The following NFATC1 variants were observed in gnomAD, a reference collection of about 807,000 sequenced individuals.
NFATC1 encodes the protein nuclear factor of activated T cells 1.
Under a neutral mutation model 76.0 loss-of-function variants are expected in NFATC1, and 22 were observed. The ratio of observed to expected loss-of-function variants is 0.29; its 90% CI spans 0.21 to 0.41. The LOEUF is 0.41. Ranked by LOEUF, NFATC1 falls within the 10% of genes least tolerant of loss-of-function variation. NFATC1 has a pLI of 1.00. For synonymous variants in NFATC1, 704 were observed against 613.1 expected, an observed-to-expected ratio of 1.15 and a Z score of -2.19; for missense variants, 1,357 against 1,337.7, an observed-to-expected ratio of 1.01 and a Z score of -0.23.
intron 9 of NFATC1, chr18:79,496,785 T>G (rs972280898): frequency 6.6e-6 from 1 of 152,266 alleles, no homozygotes; most frequent in African/African-American, 2.4e-5. Context: ...CGTTCCATAG[T>G]GACCTTTTGT....
intron 9 of NFATC1, among the ~76,000 whole-genome samples, chr18:79,509,050 C>T (rs558073126): frequency 1.1e-4 from 16 of 152,310 alleles, no homozygotes; most frequent in African/African-American, 2.9e-4. Context: ...GTGTCCTGTA[C>T]GGAGAAAGCG....
chr18:79,419,779 G>A (rs1365561918), intron 2 of NFATC1, among the ~76,000 whole-genome samples: 1 of 152,236 alleles, frequency 6.6e-6, no homozygotes, highest in African/African-American at 2.4e-5. Context: ...CGGGATAGGT[G>A]GGCCTGGTGG....
intron 9 of NFATC1, among the ~76,000 whole-genome samples, chr18:79,507,788 G>A (rs115948538): frequency 0.011 from 1,707 of 152,372 alleles, 29 homozygotes; most frequent in African/African-American, 0.034. Context: ...GTTAGTGAGC[G>A]CATTCGCATC....
chr18:79,494,963 G>C (rs1037373814), intron 9 of NFATC1, among the ~76,000 whole-genome samples: 14 of 152,082 alleles, frequency 9.2e-5, no homozygotes, highest in African/African-American at 3.1e-4. Flanking sequence ...CCGGGGGAAG[G>C]CGAGAGCGGG....
intron 2 of NFATC1, among the ~76,000 whole-genome samples, chr18:79,415,278 T>C (rs940481709): frequency 2.6e-5 from 4 of 152,306 alleles, no homozygotes; most frequent in East Asian, 3.9e-4. Context: ...AATTTCTTTT[T>C]ATTTTATTTA....
At chr18:79,442,447 A>G (rs933775597) in intron 3 of NFATC1, among the ~76,000 whole-genome samples, 1 of 152,202 alleles carries the variant, frequency 6.6e-6, no homozygotes. Flanking sequence ...TTGCCACTCA[A>G]CATCCTTCCA....
chr18:79,452,094 G>A (rs558451559), intron 6 of NFATC1: 5 of 321,304 alleles, frequency 1.6e-5, no homozygotes, highest in African/African-American at 6.5e-5. Flanking sequence ...GGGAGCCCAC[G>A]GGCTGGGGAC....
chr18:79,507,813 G>A (rs567606223), intron 9 of NFATC1, among the ~76,000 whole-genome samples: 24 of 152,368 alleles, frequency 1.6e-4, no homozygotes, highest in African/African-American at 5.5e-4. Context: ...GTGCTTTTAC[G>A]TGAGAAGTTA....
Position 79,410,359 on chromosome 18 carries a change from A to T in NFATC1, c.128-44A>T, listed in dbSNP as rs1444383417. ...TGAGTTCATGGGTTTCTGCTTTGTG[A>T]TGCCCAGCCCCTCATGCTCCCATCT... On this transcript the variant is annotated intron_variant, in intron 1 of 9. Transcript: ENST00000427363. The surrounding 1 kb of genome is among the most constrained non-coding windows in gnomAD (Gnocchi z 6.7). The T allele has an allele frequency of 6.4e-7, 1 of 1,556,740 alleles. No individual in the cohort carries two copies.
At chr18:79,487,335 G>A (rs537351204) in intron 9 of NFATC1, among the ~76,000 whole-genome samples, 2 of 152,336 alleles carry the variant, frequency 1.3e-5, no homozygotes, top group East Asian at 1.9e-4. Flanking sequence ...CGTGGGTGCC[G>A]CCTGAGTCCC....
rs1392448700 is a variant in NFATC1, at chr18:79,410,743, G to T, written c.468G>T (p.Thr156=). Residue 156 remains threonine, a synonymous_variant, in exon 2 of 10, where the codon ACG becomes ACT. Transcript: ENST00000427363. This position sits in a 1 kb window ranked among gnomAD's most constrained non-coding sequence, Gnocchi z 6.7. ...CCAAACGGTCCCCCTCCACGGCCAC[G>T]CTGAGTCTGCCCAGCCTGGAGGCCT... The part of the protein sequence containing the change: ...PSSKRSPSTA[T]LSLPSLEAYR... The T allele has an allele frequency of 1.2e-6, 2 of 1,612,808 alleles. No homozygotes were observed. Among genetic ancestry groups the T allele is most frequent in the African/African-American group, 2.7e-5 (2 of 74,886 alleles).
At chr18:79,415,936 C>T (rs1339633821) in intron 2 of NFATC1, among the ~76,000 whole-genome samples, 2 of 152,120 alleles carry the variant, frequency 1.3e-5, no homozygotes, top group African/African-American at 4.8e-5. Flanking sequence ...GTGGCGGGCG[C>T]CTGTAATCCC....
intron 9 of NFATC1, among the ~76,000 whole-genome samples, chr18:79,512,046 G>A (rs1418237855): frequency 3.3e-5 from 5 of 152,104 alleles, no homozygotes; most frequent in Admixed American, 6.5e-5. Flanking sequence ...AGCCTGTCCC[G>A]GCAATGGCTC....
chr18:79,408,122 C>T (rs977409852), intron 1 of NFATC1, among the ~76,000 whole-genome samples: 6 of 152,196 alleles, frequency 3.9e-5, no homozygotes, highest in Non-Finnish European at 5.9e-5. Flanking sequence ...CTACCTGGGG[C>T]GCTAGAACCA....
At chr18:79,516,556 C>T (rs895832959) in intron 9 of NFATC1, among the ~76,000 whole-genome samples, 3 of 152,102 alleles carry the variant, frequency 2.0e-5, no homozygotes, top group African/African-American at 4.8e-5. Context: ...GAGCGCCGGG[C>T]GCCCAGCAGT....
At chr18:79,491,600 G>A (rs553331262) in intron 9 of NFATC1, among the ~76,000 whole-genome samples, 7 of 152,336 alleles carry the variant, frequency 4.6e-5, no homozygotes, top group Middle Eastern at 3.4e-3. Context: ...GTGGCAGGAC[G>A]TGGGTATGGC....
At chr18:79,416,755 A>G (rs965030699) in intron 2 of NFATC1, among the ~76,000 whole-genome samples, 11 of 152,174 alleles carry the variant, frequency 7.2e-5, no homozygotes, top group African/African-American at 2.4e-4. Flanking sequence ...AAGCCCCCCA[A>G]CAACCCACAG....
chr18:79,433,465 G>A lies in NFATC1; in HGVS notation c.1227-114G>A, dbSNP rs1051291257. ...GGCTTCTCCATCTCCATGTCAGGAC[G>A]TGCACTCGCCGATGAAGTGTCCACC... On this transcript the variant is annotated intron_variant, in intron 2 of 9. Transcript: ENST00000427363. 40 of 1,240,052 alleles carry A rather than the reference G, an allele frequency of 3.2e-5. No individual in the cohort carries two copies. In the African/African-American group the frequency reaches 4.1e-4, roughly 13 times the overall value. 76.8% of individuals were successfully genotyped at this position (1,240,052 alleles called of 1,614,324 possible).
chr18:79,490,948 A>G (rs1660160), intron 9 of NFATC1, among the ~76,000 whole-genome samples: 150,466 of 152,094 alleles, frequency 0.99, 74,440 homozygotes, highest in South Asian at 1. Context: ...CCTGAATTGT[A>G]AGGTGGAACT....
Sources: allele counts gnomAD v4.1 joint callset (sites outside exome capture counted in the v4.1 genomes callset), GRCh38; gene constraint gnomAD v4.1.1; non-coding constraint Gnocchi (gnomAD v3.1); transcripts MANE v1.5; gene names NCBI Gene and HGNC (gene_info 2026-07-23, HGNC 2026-07-21).